The following NEK1 variants were observed in gnomAD, a reference collection of about 807,000 sequenced individuals.
NEK1 encodes the protein serine/threonine-protein kinase Nek1.
A neutral mutation model predicts 182.1 loss-of-function variants in NEK1; 137 were observed. That is an observed-to-expected ratio of 0.75 (90% confidence interval 0.65 to 0.87). The LOEUF is 0.87. Ranked by LOEUF, NEK1 falls within the 40% of genes least tolerant of loss-of-function variation. The pLI, the probability that NEK1 is intolerant of heterozygous loss-of-function variation, is 0.00. For synonymous variants in NEK1, 513 were observed against 492.2 expected, an observed-to-expected ratio of 1.04 and a Z score of -0.56; for missense variants, 1,391 against 1,494.4, an observed-to-expected ratio of 0.93 and a Z score of 1.14.
intron 24 of NEK1, among the ~76,000 whole-genome samples, chr4:169,478,186 G>T (rs758322131): frequency 3.9e-5 from 6 of 151,948 alleles, no homozygotes; most frequent in Non-Finnish European, 7.4e-5. Flanking sequence ...AAGATTCAAA[G>T]AACAATTTTC....
At chr4:169,541,613 CAAG>C (rs1759432410) in intron 18 of NEK1, among the ~76,000 whole-genome samples, 1 of 152,054 alleles carries the variant, frequency 6.6e-6, no homozygotes, top group Non-Finnish European at 1.5e-5. Context: ...AGGAATGAAT[CAAG>C]AATGAAAATG....
At position 169,456,686 on chromosome 4, in the gene NEK1, G is replaced by A. The variant is rs572614166; in HGVS notation, c.2587+6557C>T. Among the ~76,000 whole-genome samples, 22 of 152,264 alleles carry A rather than the reference G, an allele frequency of 1.4e-4. No homozygotes were observed. The South Asian group carries it at 4.1e-3, about 29-fold the overall frequency. On this transcript the variant is annotated intron_variant, in intron 27 of 35. Coordinates refer to ENST00000507142, the MANE Select transcript of NEK1 (RefSeq NM_001199397.3). ...GAAACTAAAAATATAGCTACCATAT[G>A]ATCCAGCAATCCCACTGCTGGGTAT... is the stretch of plus-strand genomic sequence containing the variant.
intron 23 of NEK1, among the ~76,000 whole-genome samples, chr4:169,502,859 T>C (rs1268696624): frequency 2.6e-5 from 4 of 152,210 alleles, no homozygotes; most frequent in Non-Finnish European, 4.4e-5. Flanking sequence ...CTATTCAACA[T>C]AGTACTGGCA....
intron 18 of NEK1, chr4:169,555,460 G>A (rs907966473): frequency 7.3e-6 from 3 of 409,442 alleles, no homozygotes; most frequent in African/African-American, 4.1e-5. Flanking sequence ...TTGGCAGAAT[G>A]TTATCACATG....
chr4:169,610,000 A>G (rs1581140412), intron 2 of NEK1, among the ~76,000 whole-genome samples: 1 of 147,502 alleles, frequency 6.8e-6, no homozygotes, highest in African/African-American at 2.5e-5. Flanking sequence ...CTTTCCTCAC[A>G]TTTTACTAAG....
At chr4:169,592,712 AC>A (rs1561475745) in intron 5 of NEK1, among the ~76,000 whole-genome samples, 3 of 146,792 alleles carry the variant, frequency 2.0e-5, no homozygotes. Context: ...AAAAAAAAAA[AC>A]TCTCAGTTCA....
At chr4:169,428,351 G>GATAGATATATATATATATATATAT in intron 29 of NEK1, among the ~76,000 whole-genome samples, 2 of 93,224 alleles carry the variant, frequency 2.1e-5, no homozygotes, top group South Asian at 4.6e-4. Context: ...AAATATATGG[G>GATAGATATATATATATATATATAT]ATATATATAT....
chr4:169,441,380 C>T (rs1254398020), intron 27 of NEK1, among the ~76,000 whole-genome samples: 1 of 152,210 alleles, frequency 6.6e-6, no homozygotes, highest in Non-Finnish European at 1.5e-5. Flanking sequence ...GATCGATCTG[C>T]CCCATGCATC....
At chr4:169,439,299 C>T (rs1738990690) in intron 27 of NEK1, among the ~76,000 whole-genome samples, 1 of 152,216 alleles carries the variant, frequency 6.6e-6, no homozygotes, top group Non-Finnish European at 1.5e-5. Context: ...GTGTTGGCTG[C>T]AGTCCTTTTA....
intron 2 of NEK1, among the ~76,000 whole-genome samples, chr4:169,604,425 T>C (rs1474944784): frequency 6.6e-6 from 1 of 152,222 alleles, no homozygotes; most frequent in Non-Finnish European, 1.5e-5. Context: ...ATTGTAGACA[T>C]ACATGAATTT....
intron 23 of NEK1, among the ~76,000 whole-genome samples, chr4:169,482,884 C>A (rs1277379599): frequency 1.3e-5 from 2 of 152,166 alleles, no homozygotes; most frequent in African/African-American, 4.8e-5. Context: ...ATCCACCTGC[C>A]TCGGCCTCCC....
intron 29 of NEK1, among the ~76,000 whole-genome samples, chr4:169,427,902 G>A (rs1736680550): frequency 6.6e-6 from 1 of 151,958 alleles, no homozygotes; most frequent in South Asian, 2.1e-4. Context: ...TCACCTCACT[G>A]CAGCCTTGAT....
At chr4:169,526,078 C>T (rs567923434) in intron 19 of NEK1, among the ~76,000 whole-genome samples, 2 of 152,308 alleles carry the variant, frequency 1.3e-5, no homozygotes, top group East Asian at 1.9e-4. Flanking sequence ...CACACATACA[C>T]ACGAAACCAC....
chr4:169,439,845 C>CTTTTT (rs33985502), intron 27 of NEK1, among the ~76,000 whole-genome samples: 38 of 116,368 alleles, frequency 3.3e-4, no homozygotes, highest in African/African-American at 1.0e-3. Context: ...GTTAGGGTAT[C>CTTTTT]TTTTTTTTTT....
At chr4:169,499,400 C>T (rs111962412) in intron 23 of NEK1, among the ~76,000 whole-genome samples, 29,479 of 152,164 alleles carry the variant, frequency 0.19, 4,296 homozygotes, top group African/African-American at 0.41. Context: ...CTTCTCTCAA[C>T]TCGTCAAAGT....
chr4:169,441,494 C>T (rs372661537), intron 27 of NEK1, among the ~76,000 whole-genome samples: 3 of 152,348 alleles, frequency 2.0e-5, no homozygotes, highest in South Asian at 4.1e-4. Flanking sequence ...AGGACAGGCC[C>T]TCCTGCCTAC....
intron 16 of NEK1, among the ~76,000 whole-genome samples, chr4:169,560,765 C>T (rs1161492401): frequency 6.6e-6 from 1 of 150,474 alleles, no homozygotes; most frequent in Non-Finnish European, 1.5e-5. Context: ...AGGTTCCAGG[C>T]ACTGTTCTTG....
At chr4:169,495,267 G>A (rs539837414) in intron 23 of NEK1, among the ~76,000 whole-genome samples, 5 of 125,766 alleles carry the variant, frequency 4.0e-5, no homozygotes, top group African/African-American at 8.5e-5. Context: ...TTTTTGAGAC[G>A]GAGTTTCGCT....
At position 169,394,533 on chromosome 4, in the gene NEK1, AAAG is replaced by A; in HGVS notation, c.3848-13_3848-11del. The A allele has an allele frequency of 7.2e-7, 1 of 1,388,726 alleles. No individual in the cohort carries two copies. The highest frequency in any genetic ancestry group is 9.9e-7 in the Non-Finnish European group (1 of 1,010,762). The allele number at this position is 1,388,726 out of a possible 1,614,324, so 86.0% of individuals were successfully genotyped here. On this transcript the variant is annotated splice_polypyrimidine_tract_variant and intron_variant, in intron 35 of 35. Transcript: ENST00000507142. ...GATTATTCATCATTATCTGTAGAAA[AAAG>A]AAAAAAATTGACTTCATTTCAAATC...
Sources: gnomAD v4.1 joint callset for allele counts (sites outside exome capture counted in the v4.1 genomes callset) on GRCh38, gnomAD v4.1.1 for gene constraint, MANE v1.5 for transcripts, NCBI Gene and HGNC (gene_info 2026-07-23, HGNC 2026-07-21) for gene names.